The following CPA6 variants were observed in gnomAD, a reference collection of about 807,000 sequenced individuals.
CPA6 encodes carboxypeptidase B.
In CPA6, 58 loss-of-function variants were observed where a neutral mutation model predicts 63.3. The ratio of observed to expected loss-of-function variants is 0.92; its 90% CI spans 0.74 to 1.14. The LOEUF (loss-of-function observed/expected upper bound fraction) is 1.14, where lower values mean the gene tolerates loss of function less well. Among genes scored for constraint, CPA6 ranks in the 50% most tolerant of loss-of-function variants. The pLI is 0.00. For missense variants in CPA6, 565 were observed against 526.6 expected, an observed-to-expected ratio of 1.07 and a Z score of -0.71; for synonymous variants, 185 against 179.0, an observed-to-expected ratio of 1.03 and a Z score of -0.27.
chr8:67,492,887 G>A (rs1223797878), intron 6 of CPA6, among the ~76,000 whole-genome samples: 1 of 152,140 alleles, frequency 6.6e-6, no homozygotes, highest in East Asian at 1.9e-4. Flanking sequence ...TGGATAGAAG[G>A]GAGAAAGAGA....
chr8:67,423,337 G>A (rs1437007058), intron 10 of CPA6, among the ~76,000 whole-genome samples: 1 of 152,132 alleles, frequency 6.6e-6, no homozygotes, highest in African/African-American at 2.4e-5. Flanking sequence ...CTCCCGCCTT[G>A]GCCTCCCAAA....
At chr8:67,558,070 C>A (rs1813109747) in intron 2 of CPA6, among the ~76,000 whole-genome samples, 1 of 152,124 alleles carries the variant, frequency 6.6e-6, no homozygotes. Flanking sequence ...TCTTACTTTT[C>A]CCCCTTCCAT....
chr8:67,660,479 G>A (rs993027265), intron 1 of CPA6, among the ~76,000 whole-genome samples: 7 of 148,858 alleles, frequency 4.7e-5, no homozygotes, highest in African/African-American at 1.7e-4. Flanking sequence ...GCAGGCACAC[G>A]GCATCATGCC....
chr8:67,425,625 C>T (rs150592026), intron 10 of CPA6, among the ~76,000 whole-genome samples: 40 of 152,340 alleles, frequency 2.6e-4, no homozygotes, highest in Non-Finnish European at 5.3e-4. Context: ...CCACCCACCT[C>T]GGCCTTCCAA....
At position 67,545,113 on chromosome 8, in the gene CPA6, A is replaced by T. The variant is rs1339692899; in HGVS notation, c.193-27066T>A. Among the ~76,000 whole-genome samples, 3 of 152,240 alleles carry T rather than the reference A, an allele frequency of 2.0e-5. No individual in the cohort carries two copies. In the East Asian group the frequency reaches 5.8e-4, roughly 29 times the overall value. On this transcript the variant is annotated intron_variant, in intron 2 of 10. Transcript: ENST00000297770. Reference sequence around the variant, plus strand: ...TTTGGAATAATGATATTTTATAATTATAAAGCACCAGGTTATGTAGAAGTG... The same window carrying T: ...TTTGGAATAATGATATTTTATAATTTTAAAGCACCAGGTTATGTAGAAGTG...
intron 8 of CPA6, among the ~76,000 whole-genome samples, chr8:67,469,084 G>A (rs528757772): frequency 6.6e-6 from 1 of 152,250 alleles, no homozygotes; most frequent in South Asian, 2.1e-4. Context: ...GAATACATGT[G>A]TGCGTATTTA....
intron 1 of CPA6, among the ~76,000 whole-genome samples, chr8:67,626,018 T>C (rs1300354244): frequency 1.4e-5 from 2 of 139,196 alleles, no homozygotes; most frequent in Non-Finnish European, 3.1e-5. Flanking sequence ...TTTAAAAGTG[T>C]ATGTCACCTC....
chr8:67,430,271 C>A (rs1248277060), intron 9 of CPA6, among the ~76,000 whole-genome samples: 2 of 150,750 alleles, frequency 1.3e-5, no homozygotes, highest in African/African-American at 4.9e-5. Context: ...CCTCTGCCTA[C>A]CAGGTTCAAG....
At chr8:67,732,962 T>C (rs10093936) in intron 1 of CPA6, among the ~76,000 whole-genome samples, 126,438 of 151,594 alleles carry the variant, frequency 0.83, 53,038 homozygotes, top group Admixed American at 0.88. Context: ...TTTGGGAGGC[T>C]GAGGCGGGCG....
At chr8:67,741,145 G>A (rs898021597) in intron 1 of CPA6, among the ~76,000 whole-genome samples, 26 of 152,174 alleles carry the variant, frequency 1.7e-4, no homozygotes, top group African/African-American at 5.8e-4. Context: ...GTCCCAAGAC[G>A]TGAGAGGCAT....
At chr8:67,557,526 A>G (rs778024391) in intron 2 of CPA6, among the ~76,000 whole-genome samples, 3 of 152,140 alleles carry the variant, frequency 2.0e-5, no homozygotes, top group African/African-American at 7.2e-5. Flanking sequence ...TTCTTACCCA[A>G]TCTGAACCAG....
chr8:67,623,585 C>T (rs1213881170), intron 2 of CPA6, among the ~76,000 whole-genome samples: 1 of 152,022 alleles, frequency 6.6e-6, no homozygotes, highest in Non-Finnish European at 1.5e-5. Flanking sequence ...GCATGTGACA[C>T]CACACCTGGT....
intron 8 of CPA6, among the ~76,000 whole-genome samples, chr8:67,444,147 A>T (rs1416002350): frequency 6.6e-6 from 1 of 151,684 alleles, no homozygotes; most frequent in African/African-American, 2.4e-5. Context: ...ACCCGCCACC[A>T]CACCTGGCTT....
In CPA6 at chr8:67,624,329, A is replaced by G. The variant is rs1444914939; in HGVS notation, c.117-78T>C. The G allele has an allele frequency of 1.4e-5, 10 of 723,552 alleles. No homozygotes were observed. In the Admixed American group the frequency reaches 2.5e-4, roughly 18 times the overall value. 44.8% of individuals were successfully genotyped at this position (723,552 alleles called of 1,614,324 possible). ...AGTCATCTCTTTCTTACCTCTTAAA[A>G]AACTGCCTCTGCATTTAAGAAGAAA... On this transcript the variant is annotated intron_variant, in intron 1 of 10. Coordinates refer to ENST00000297770, the MANE Select transcript of CPA6 (RefSeq NM_020361.5).
intron 1 of CPA6, among the ~76,000 whole-genome samples, chr8:67,645,919 T>C (rs1309581455): frequency 6.6e-6 from 1 of 152,196 alleles, no homozygotes; most frequent in Non-Finnish European, 1.5e-5. Flanking sequence ...TTCCTCTTGT[T>C]ACCCAGTGTG....
At chr8:67,641,877 A>G (rs961075212) in intron 1 of CPA6, among the ~76,000 whole-genome samples, 9 of 152,244 alleles carry the variant, frequency 5.9e-5, no homozygotes, top group Non-Finnish European at 8.8e-5. Flanking sequence ...AAAGTAATAT[A>G]TAATTAAAAT....
intron 1 of CPA6, among the ~76,000 whole-genome samples, chr8:67,682,289 A>G (rs999222441): frequency 1.3e-5 from 2 of 152,056 alleles, no homozygotes; most frequent in Non-Finnish European, 2.9e-5. Flanking sequence ...CAAGTTCACT[A>G]GTCTTTTATT....
intron 2 of CPA6, among the ~76,000 whole-genome samples, chr8:67,620,736 A>G (rs1468958372): frequency 6.6e-6 from 1 of 152,266 alleles, no homozygotes; most frequent in Non-Finnish European, 1.5e-5. Flanking sequence ...GCTTTTAGAT[A>G]GAAATTTATC....
At chr8:67,594,436 G>C (rs1247266326) in intron 2 of CPA6, among the ~76,000 whole-genome samples, 1 of 152,160 alleles carries the variant, frequency 6.6e-6, no homozygotes, top group African/African-American at 2.4e-5. Flanking sequence ...GGCCTGCCTT[G>C]CTAGATTGGG....
Sources: gnomAD v4.1 joint callset for allele counts (sites outside exome capture counted in the v4.1 genomes callset) on GRCh38, gnomAD v4.1.1 for gene constraint, MANE v1.5 for transcripts, NCBI Gene and HGNC (gene_info 2026-07-23, HGNC 2026-07-21) for gene names.